The following OLFM3 variants were observed in gnomAD, a reference collection of about 807,000 sequenced individuals.
OLFM3 encodes the protein olfactomedin 3.
In OLFM3, 20 loss-of-function variants were observed where a neutral mutation model predicts 48.6. The ratio of observed to expected loss-of-function variants is 0.41; its 90% confidence interval spans 0.29 to 0.60. The LOEUF (loss-of-function observed/expected upper bound fraction) is 0.60. Among genes scored for constraint, OLFM3 ranks in the 20% least tolerant of loss-of-function variants. OLFM3 has a pLI of 0.28. For synonymous variants in OLFM3, 222 were observed against 198.1 expected (o/e 1.12, Z -1.01); for missense variants, 437 against 544.3 (o/e 0.80, Z 1.96).
At chr1:101,984,971 A>G (rs189726260) in intron 1 of OLFM3, among the ~76,000 whole-genome samples, 11 of 152,350 alleles carry the variant, frequency 7.2e-5, no homozygotes, top group South Asian at 6.2e-4. Context: ...TGGCAGACAA[A>G]AACCTGAAGA....
At chr1:101,847,016 C>T (rs1398272933) in intron 1 of OLFM3, 1 of 1,569,668 alleles carries the variant, frequency 6.4e-7, no homozygotes, top group South Asian at 1.2e-5. Flanking sequence ...GATTAAGATC[C>T]CGGTGCCGGG....
At chr1:101,925,926 A>T (rs1037477437) in intron 1 of OLFM3, among the ~76,000 whole-genome samples, 1 of 152,174 alleles carries the variant, frequency 6.6e-6, no homozygotes, top group African/African-American at 2.4e-5. Flanking sequence ...GGCTTAGCCC[A>T]TGGTGGATTC....
At chr1:101,970,157 A>G (rs1031387693) in intron 1 of OLFM3, among the ~76,000 whole-genome samples, 1 of 152,004 alleles carries the variant, frequency 6.6e-6, no homozygotes, top group Non-Finnish European at 1.5e-5. Context: ...CTGGGACTAC[A>G]GGTGTGCACT....
At chr1:101,994,691 A>G (rs1343414591) in intron 1 of OLFM3, among the ~76,000 whole-genome samples, 1 of 151,326 alleles carries the variant, frequency 6.6e-6, no homozygotes, top group Non-Finnish European at 1.5e-5. Flanking sequence ...AACTTTTTAC[A>G]ACATTAAAAT....
chr1:101,872,840 T>C (rs1427760702), intron 1 of OLFM3, among the ~76,000 whole-genome samples: 1 of 151,894 alleles, frequency 6.6e-6, no homozygotes, highest in Non-Finnish European at 1.5e-5. Context: ...GAAACTCTAT[T>C]GAAGATTGTC....
At chr1:101,961,264 A>G (rs1050137303) in intron 1 of OLFM3, among the ~76,000 whole-genome samples, 1 of 152,084 alleles carries the variant, frequency 6.6e-6, no homozygotes. Flanking sequence ...GTAATTATAT[A>G]TAATGTTACA....
intron 1 of OLFM3, chr1:101,910,153 C>G: frequency 1.0e-6 from 1 of 984,956 alleles, no homozygotes; most frequent in Non-Finnish European, 1.2e-6. Flanking sequence ...AGATGTTTAT[C>G]GAGTATCTAT....
chr1:101,805,667 A>T (rs1653736021), intron 5 of OLFM3, among the ~76,000 whole-genome samples: 1 of 151,742 alleles, frequency 6.6e-6, no homozygotes, highest in African/African-American at 2.4e-5. Context: ...TTTGCCCTTG[A>T]GTTTTTCACT....
chr1:101,814,014 G>A (rs1325943364), intron 4 of OLFM3, among the ~76,000 whole-genome samples: 1 of 152,124 alleles, frequency 6.6e-6, no homozygotes, highest in Non-Finnish European at 1.5e-5. Flanking sequence ...TGATAATTAT[G>A]TATGAAAATG....
intron 1 of OLFM3, among the ~76,000 whole-genome samples, chr1:101,969,733 C>T (rs1486143897): frequency 6.6e-6 from 1 of 151,904 alleles, no homozygotes; most frequent in Non-Finnish European, 1.5e-5. Context: ...CCTCTTTGGG[C>T]TTTTTTTCCC....
intron 1 of OLFM3, among the ~76,000 whole-genome samples, chr1:101,922,742 G>A (rs1659137298): frequency 6.6e-6 from 1 of 152,118 alleles, no homozygotes; most frequent in African/African-American, 2.4e-5. Flanking sequence ...ACCTAAAAAT[G>A]TGTTGTTAAC....
At chr1:101,979,063 A>C (rs192339689) in intron 1 of OLFM3, among the ~76,000 whole-genome samples, 1 of 152,330 alleles carries the variant, frequency 6.6e-6, no homozygotes, top group Admixed American at 6.5e-5. Flanking sequence ...GAAGGAACAA[A>C]AGTGAACCCT....
chr1:101,848,508 ATTTTT>A (rs34309802), intron 1 of OLFM3, among the ~76,000 whole-genome samples: 3 of 148,850 alleles, frequency 2.0e-5, no homozygotes, highest in Non-Finnish European at 4.5e-5. Context: ...AATCCAGGCC[ATTTTT>A]TTTTTTCAAA....
chr1:101,811,021 A>G (rs1290648047), intron 4 of OLFM3, among the ~76,000 whole-genome samples: 1 of 151,862 alleles, frequency 6.6e-6, no homozygotes, highest in Non-Finnish European at 1.5e-5. Flanking sequence ...AGAAAATGTT[A>G]GTCTAAAACT....
intron 1 of OLFM3, among the ~76,000 whole-genome samples, chr1:101,902,721 T>A (rs1055673678): frequency 6.6e-6 from 1 of 152,116 alleles, no homozygotes; most frequent in African/African-American, 2.4e-5. Context: ...GTTTAGGGGT[T>A]ACTATTTTCC....
chr1:101,944,707 C>T (rs1659900387), intron 1 of OLFM3, among the ~76,000 whole-genome samples: 2 of 151,988 alleles, frequency 1.3e-5, no homozygotes, highest in African/African-American at 2.4e-5. Context: ...TGGCGAAACC[C>T]CATCTCTACT....
chr1:101,810,621 G>A (rs1475621191), intron 4 of OLFM3, among the ~76,000 whole-genome samples: 1 of 151,730 alleles, frequency 6.6e-6, no homozygotes, highest in Non-Finnish European at 1.5e-5. Flanking sequence ...TGCTTCCTTG[G>A]GACCAGGAAG....
intron 2 of OLFM3, among the ~76,000 whole-genome samples, chr1:101,835,924 C>CAGCCTGAAA (rs1655378113): frequency 6.6e-6 from 1 of 152,174 alleles, no homozygotes; most frequent in Non-Finnish European, 1.5e-5. Flanking sequence ...GTCACCATGG[C>CAGCCTGAAA]AGCCTGAAAT....
At chr1:101,940,689 T>C (rs957337399) in intron 1 of OLFM3, among the ~76,000 whole-genome samples, 3 of 150,368 alleles carry the variant, frequency 2.0e-5, no homozygotes, top group Non-Finnish European at 3.0e-5. Flanking sequence ...GCTATATATA[T>C]ATATCCAGTT....
Sources: gnomAD v4.1 joint callset for allele counts (sites outside exome capture counted in the v4.1 genomes callset) on GRCh38, gnomAD v4.1.1 for gene constraint, MANE v1.5 for transcripts, NCBI Gene and HGNC (gene_info 2026-07-23, HGNC 2026-07-21) for gene names.